TUSC3: variants seen among roughly 807,000 people sequenced by gnomAD.
The protein encoded by TUSC3 is dolichyl-diphosphooligosaccharide--protein glycosyltransferase subunit TUSC3.
In TUSC3, 45 loss-of-function variants were observed where a neutral mutation model predicts 44.8. The observed-to-expected ratio is 1.00, with a 90% CI of 0.79 to 1.29. The LOEUF (loss-of-function observed/expected upper bound fraction) is 1.29. TUSC3 is among the 50% of genes most tolerant of loss of function. The pLI, the probability that TUSC3 is intolerant of heterozygous loss-of-function variation, is 0.00. For missense variants in TUSC3, 519 were observed against 437.9 expected, an observed-to-expected ratio of 1.19 and a Z score of -1.65; for synonymous variants, 212 against 152.9, an observed-to-expected ratio of 1.39 and a Z score of -2.85.
the TUSC3 span, among the ~76,000 whole-genome samples, chr8:15,812,350 G>C: frequency 2.0e-5 from 3 of 152,156 alleles, no homozygotes; most frequent in Non-Finnish European, 4.4e-5. Flanking sequence ...ATTTCTATGG[G>C]AGTCAAAATA....
At chr8:15,472,080 AT>A (rs1462175837) in intron 1 of TUSC3, among the ~76,000 whole-genome samples, 1 of 152,256 alleles carries the variant, frequency 6.6e-6, no homozygotes, top group African/African-American at 2.4e-5. Context: ...TGTGACATAA[AT>A]AATCCTTAGC....
At chr8:15,799,627 A>G in the TUSC3 span, among the ~76,000 whole-genome samples, 1 of 152,174 alleles carries the variant, frequency 6.6e-6, no homozygotes, top group African/African-American at 2.4e-5. Context: ...TGGTCAACAT[A>G]TTTACTACCT....
chr8:15,526,564 T>C (rs1801375408), intron 2 of TUSC3, among the ~76,000 whole-genome samples: 1 of 151,194 alleles, frequency 6.6e-6, no homozygotes, highest in African/African-American at 2.5e-5. Flanking sequence ...GGAGATCTTA[T>C]CGTTTTATAA....
chr8:15,806,413 G>A, the TUSC3 span: 6 of 681,160 alleles, frequency 8.8e-6, no homozygotes, highest in East Asian at 2.7e-5. Context: ...GATACTTTGG[G>A]TGCATTTGGA....
intron 5 of TUSC3, among the ~76,000 whole-genome samples, chr8:15,671,916 C>A (rs1807962330): frequency 6.6e-6 from 1 of 151,968 alleles, no homozygotes; most frequent in Admixed American, 6.6e-5. Flanking sequence ...TTATCTTATT[C>A]ATTCTTACAT....
intron 1 of TUSC3, among the ~76,000 whole-genome samples, chr8:15,592,703 T>C (rs796531823): frequency 5.9e-5 from 9 of 152,336 alleles, no homozygotes; most frequent in African/African-American, 2.2e-4. Flanking sequence ...ATATTTTCTT[T>C]ATAAATTATC....
At chr8:15,740,360 G>T (rs1357578185) in intron 7 of TUSC3, among the ~76,000 whole-genome samples, 1 of 151,848 alleles carries the variant, frequency 6.6e-6, no homozygotes, top group Non-Finnish European at 1.5e-5. Flanking sequence ...GCATAAATTT[G>T]GCCACATTAA....
At chr8:15,777,055 TTTAAGTC>T in the TUSC3 span, among the ~76,000 whole-genome samples, 4 of 152,194 alleles carry the variant, frequency 2.6e-5, no homozygotes, top group African/African-American at 9.6e-5. Context: ...GTTCTCGGTT[TTTAAGTC>T]TTACAAGGTT....
chr8:15,607,727 A>T (rs961253225), intron 1 of TUSC3, among the ~76,000 whole-genome samples: 4 of 152,166 alleles, frequency 2.6e-5, no homozygotes, highest in African/African-American at 9.6e-5. Context: ...AGTAAGCTGG[A>T]GAAAAGTGTC....
intron 4 of TUSC3, 103 bp downstream of exon 4, chr8:15,659,750 GT>G: frequency 1.4e-6 from 2 of 1,471,454 alleles, no homozygotes; most frequent in Non-Finnish European, 9.4e-7. Flanking sequence ...CTCTATGGTT[GT>G]TTCTCCTTGC....
chr8:15,440,225 G>C (rs1800002587), intron 1 of TUSC3, among the ~76,000 whole-genome samples: 1 of 152,172 alleles, frequency 6.6e-6, no homozygotes, highest in African/African-American at 2.4e-5. Flanking sequence ...GAGAGGAGTA[G>C]AGCTGAGAAC....
upstream of TUSC3, among the ~76,000 whole-genome samples, chr8:15,537,819 T>C (rs1427177645): frequency 6.6e-6 from 1 of 151,928 alleles, no homozygotes; most frequent in Non-Finnish European, 1.5e-5. Flanking sequence ...AGATGATGAG[T>C]TGTGATTATG....
rs150171152 is a variant in TUSC3, at chr8:15,463,913, C to G, written n.92-19473C>G. On this transcript the variant is annotated intron_variant and non_coding_transcript_variant, in intron 1 of 5. Coordinates refer to the TUSC3 transcript ENST00000503191. The stretch of plus-strand genomic sequence containing the variant: ...TTCCTTCCCATAGAGGTTTACTTGC[C>G]TATTTGATCATTAGTGCGCTTGCAC... 1.8e-3 allele frequency among the ~76,000 whole-genome samples: 276 copies of G among 152,264 alleles called. 1 individual carries two copies. The highest frequency in any genetic ancestry group is 5.9e-3 in the African/African-American group (245 of 41,542).
intron 1 of TUSC3, among the ~76,000 whole-genome samples, chr8:15,603,839 G>A (rs1393050206): frequency 6.6e-6 from 1 of 151,240 alleles, no homozygotes; most frequent in Non-Finnish European, 1.5e-5. Context: ...ACAGACTTAT[G>A]TAAATGAAGA....
chr8:15,512,901 G>A (rs1212059338), intron 2 of TUSC3, among the ~76,000 whole-genome samples: 4 of 79,480 alleles, frequency 5.0e-5, no homozygotes, highest in Non-Finnish European at 9.2e-5. Flanking sequence ...CAATTCTCTC[G>A]GTGTATATAT....
intron 1 of TUSC3, among the ~76,000 whole-genome samples, chr8:15,463,086 G>A (rs902986508): frequency 2.7e-5 from 4 of 146,956 alleles, no homozygotes; most frequent in African/African-American, 1.0e-4. Flanking sequence ...TTCTTCTTTT[G>A]CCTCTCTGTG....
chr8:15,635,044 G>C (rs1806002523), intron 2 of TUSC3, among the ~76,000 whole-genome samples: 1 of 151,886 alleles, frequency 6.6e-6, no homozygotes, highest in Non-Finnish European at 1.5e-5. Flanking sequence ...GATTAAATCT[G>C]AATTTCCTAA....
intron 2 of TUSC3, among the ~76,000 whole-genome samples, chr8:15,496,841 A>C (rs938991118): frequency 2.0e-5 from 3 of 152,154 alleles, no homozygotes; most frequent in African/African-American, 7.2e-5. Context: ...ATTCCTTTCC[A>C]TTGGCATACC....
chr8:15,814,007 G>T, the TUSC3 span, among the ~76,000 whole-genome samples: 1 of 152,158 alleles, frequency 6.6e-6, no homozygotes, highest in African/African-American at 2.4e-5. Context: ...TAATTGTGAG[G>T]ACTAAACAAG....
Sources: allele counts gnomAD v4.1 joint callset (sites outside exome capture counted in the v4.1 genomes callset), GRCh38; gene constraint gnomAD v4.1.1; transcripts MANE v1.5; gene names NCBI Gene and HGNC (gene_info 2026-07-23, HGNC 2026-07-21).